Variants in MEMO1 observed in about 807,000 individuals in gnomAD.
MEMO1 encodes mediator of cell motility 1, also known as protein MEMO1.
In MEMO1, 6 loss-of-function variants were observed where a neutral mutation model predicts 45.2. The ratio of observed to expected loss-of-function variants is 0.13; its 90% CI spans 0.07 to 0.26. The LOEUF (loss-of-function observed/expected upper bound fraction) is 0.26, where lower values mean the gene tolerates loss of function less well. MEMO1 is among the 10% of genes least tolerant of loss of function. MEMO1 has a pLI of 1.00. For missense variants in MEMO1, 184 were observed against 370.5 expected (o/e 0.50, Z 4.13); for synonymous variants, 78 against 124.3 (o/e 0.63, Z 2.48).
Position 31,920,778 on chromosome 2 carries a change from T to C in MEMO1, c.325+20A>G, listed in dbSNP as rs1192457525. 5.0e-6 allele frequency: 7 copies of C among 1,400,784 alleles called. No homozygotes were observed. Among genetic ancestry groups the C allele is most frequent in the Middle Eastern group, 2.6e-4 (1 of 3,860 alleles). 86.8% of individuals were successfully genotyped at this position (1,400,784 alleles called of 1,614,324 possible). A position where few individuals can be genotyped will look rare whatever the true frequency, so the allele number is the denominator to read the frequency against. On this transcript the variant is annotated intron_variant, in intron 5 of 9. Transcript: ENST00000404530. The stretch of plus-strand genomic sequence containing the variant: ...AAGAACATTAGCTATTTGAAAGCTA[T>C]AATATTTCTATATACTTACTCTTTT...
chr2:31,989,264 C>G (rs573645883), intron 2 of MEMO1, among the ~76,000 whole-genome samples: 154 of 151,608 alleles, frequency 1.0e-3, no homozygotes, highest in Non-Finnish European at 1.7e-3. Flanking sequence ...AAGAAAATGA[C>G]TAGTGGGCTT....
At chr2:31,999,663 C>A (rs1477217224) in intron 2 of MEMO1, among the ~76,000 whole-genome samples, 2 of 152,074 alleles carry the variant, frequency 1.3e-5, no homozygotes, top group Non-Finnish European at 2.9e-5. Flanking sequence ...GAGCAAGACC[C>A]TGTCTCAAAA....
At chr2:31,985,696 AC>A (rs1671179024) in intron 2 of MEMO1, among the ~76,000 whole-genome samples, 1 of 152,230 alleles carries the variant, frequency 6.6e-6, no homozygotes, top group Admixed American at 6.5e-5. Flanking sequence ...GTTTAGAATC[AC>A]ATTTACTCAT....
intron 6 of MEMO1, among the ~76,000 whole-genome samples, chr2:31,904,649 C>T (rs55730514): frequency 0.27 from 41,478 of 152,010 alleles, 6,984 homozygotes; most frequent in Non-Finnish European, 0.36. Flanking sequence ...GGGTAATGCT[C>T]GCTGGCCCAC....
At chr2:31,974,864 T>C (rs1178127809) in intron 2 of MEMO1, among the ~76,000 whole-genome samples, 1 of 151,924 alleles carries the variant, frequency 6.6e-6, no homozygotes. Context: ...ATAAGAGGAA[T>C]ACCATGAAAA....
At chr2:31,927,149 T>C (rs1683235899) in intron 4 of MEMO1, among the ~76,000 whole-genome samples, 1 of 152,072 alleles carries the variant, frequency 6.6e-6, no homozygotes, top group Admixed American at 6.5e-5. Flanking sequence ...GCCAACATGG[T>C]GAAACCCTAA....
intron 3 of MEMO1, among the ~76,000 whole-genome samples, chr2:31,941,816 G>A (rs1665651388): frequency 6.6e-6 from 1 of 152,150 alleles, no homozygotes. Context: ...GATCAAGTTA[G>A]ATATACAAAT....
intron 6 of MEMO1, among the ~76,000 whole-genome samples, chr2:31,896,759 A>G (rs1437685825): frequency 6.6e-6 from 1 of 152,234 alleles, no homozygotes; most frequent in Non-Finnish European, 1.5e-5. Context: ...TGTAAATCAT[A>G]TATCTAATAA....
chr2:31,944,992 G>A (rs1199957911), intron 2 of MEMO1, among the ~76,000 whole-genome samples: 1 of 152,086 alleles, frequency 6.6e-6, no homozygotes, highest in East Asian at 1.9e-4. Flanking sequence ...ATACCTTGCT[G>A]ATCCCTTTGT....
At chr2:31,989,228 CAAA>C (rs772035887) in intron 2 of MEMO1, among the ~76,000 whole-genome samples, 5 of 80,358 alleles carry the variant, frequency 6.2e-5, no homozygotes, top group Admixed American at 1.4e-4. Context: ...AACTCTGTCT[CAAA>C]AAAAAAAAAA....
At chr2:31,931,987 G>A in intron 4 of MEMO1, 80 bp downstream of exon 4, 2 of 1,217,366 alleles carry the variant, frequency 1.6e-6, no homozygotes, top group Non-Finnish European at 2.4e-6. Flanking sequence ...ATAACAATAA[G>A]TATAAAAAGC....
chr2:31,968,613 T>C (rs899348418), intron 2 of MEMO1, among the ~76,000 whole-genome samples: 2 of 151,794 alleles, frequency 1.3e-5, no homozygotes, highest in Non-Finnish European at 2.9e-5. Flanking sequence ...ACAAAGGAGG[T>C]CTCCTTTTCT....
chr2:31,871,419 G>A (rs1673708573), intron 8 of MEMO1, among the ~76,000 whole-genome samples: 1 of 151,996 alleles, frequency 6.6e-6, no homozygotes, highest in Non-Finnish European at 1.5e-5. Flanking sequence ...TACAGTGGCA[G>A]CATCAAAATT....
intron 6 of MEMO1, among the ~76,000 whole-genome samples, chr2:31,913,926 G>A (rs1681021071): frequency 6.6e-6 from 1 of 152,160 alleles, no homozygotes; most frequent in African/African-American, 2.4e-5. Context: ...GGTTTGACCA[G>A]TAGAATGAGG....
chr2:31,877,409 A>C (rs1674714252), intron 8 of MEMO1, among the ~76,000 whole-genome samples: 1 of 152,336 alleles, frequency 6.6e-6, no homozygotes, highest in East Asian at 1.9e-4. Context: ...GGATGCTGAC[A>C]CAAGACAGTT....
At chr2:31,946,191 T>G (rs1237657059) in intron 2 of MEMO1, among the ~76,000 whole-genome samples, 1 of 152,212 alleles carries the variant, frequency 6.6e-6, no homozygotes, top group Admixed American at 6.5e-5. Context: ...TCCCAATATT[T>G]GATATTGTCA....
At chr2:31,914,524 C>T (rs771864471) in intron 6 of MEMO1, among the ~76,000 whole-genome samples, 5 of 152,100 alleles carry the variant, frequency 3.3e-5, no homozygotes, top group African/African-American at 4.8e-5. Flanking sequence ...AAGATAAATG[C>T]TTGAAGTGAT....
intron 2 of MEMO1, among the ~76,000 whole-genome samples, chr2:31,962,762 T>C (rs745817533): frequency 2.0e-4 from 30 of 152,190 alleles, no homozygotes; most frequent in Non-Finnish European, 4.0e-4. Context: ...ATGTACAAAA[T>C]GAGCCTGGAT....
intron 2 of MEMO1, among the ~76,000 whole-genome samples, chr2:31,989,493 C>T (rs1252897841): frequency 6.6e-6 from 1 of 151,974 alleles, no homozygotes; most frequent in Non-Finnish European, 1.5e-5. Context: ...AAATATTTTC[C>T]AACTGACTAA....
Sources: allele counts gnomAD v4.1 joint callset (sites outside exome capture counted in the v4.1 genomes callset), GRCh38; gene constraint gnomAD v4.1.1; transcripts MANE v1.5; gene names NCBI Gene and HGNC (gene_info 2026-07-23, HGNC 2026-07-21).